The following TMEM163 variants were observed in gnomAD, a reference collection of about 807,000 sequenced individuals.
TMEM163 encodes the protein transmembrane protein 163.
Under a neutral mutation model 29.3 loss-of-function variants are expected in TMEM163, and 17 were observed. That is an observed-to-expected ratio of 0.58 (90% CI 0.40 to 0.87). The LOEUF is 0.87. TMEM163 is among the 40% of genes least tolerant of loss of function. The pLI is 0.00. For synonymous variants in TMEM163, 157 were observed against 160.6 expected, an observed-to-expected ratio of 0.98 and a Z score of 0.17; for missense variants, 303 against 381.5, an observed-to-expected ratio of 0.79 and a Z score of 1.71.
intron 4 of TMEM163, among the ~76,000 whole-genome samples, chr2:134,513,179 C>A (rs77917748): frequency 0.017 from 2,613 of 152,262 alleles, 55 homozygotes; most frequent in Middle Eastern, 0.068. Flanking sequence ...CTGAGAAAAG[C>A]AAAGGATACA....
At chr2:134,535,717 G>GTTTTTTTTTTTT in intron 4 of TMEM163, among the ~76,000 whole-genome samples, 1 of 142,482 alleles carries the variant, frequency 7.0e-6, no homozygotes, top group African/African-American at 2.7e-5. Context: ...TATTTGTATG[G>GTTTTTTTTTTTT]TTTTTTTTTT....
chr2:134,541,717 G>A (rs1024320999), intron 4 of TMEM163, among the ~76,000 whole-genome samples: 4 of 151,930 alleles, frequency 2.6e-5, no homozygotes, highest in Non-Finnish European at 4.4e-5. Context: ...AAAACTATAC[G>A]TAGATCATCT....
intron 2 of TMEM163, among the ~76,000 whole-genome samples, chr2:134,582,294 T>G (rs946366017): frequency 7.2e-5 from 11 of 152,072 alleles, no homozygotes; most frequent in Non-Finnish European, 1.3e-4. Flanking sequence ...CTCCTGTAGG[T>G]GGGGGAAGGT....
chr2:134,457,970 G>A (rs1574145098), intron 7 of TMEM163, 62 bp downstream of exon 7: 8 of 1,607,450 alleles, frequency 5.0e-6, no homozygotes, highest in Non-Finnish European at 6.0e-6. Context: ...GACTGGGGAA[G>A]GCGGTGGAAA....
At chr2:134,705,165 G>A (rs944746275) in intron 2 of TMEM163, among the ~76,000 whole-genome samples, 9 of 150,416 alleles carry the variant, frequency 6.0e-5, no homozygotes, top group African/African-American at 9.8e-5. Context: ...AGCTGTGATC[G>A]CACCACTGCA....
chr2:134,584,729 G>C (rs1358998572), intron 2 of TMEM163, among the ~76,000 whole-genome samples: 1 of 152,006 alleles, frequency 6.6e-6, no homozygotes, highest in Admixed American at 6.5e-5. Flanking sequence ...GAGAGTCTGG[G>C]TGGCAACTTT....
chr2:134,574,781 T>C (rs887088408), intron 2 of TMEM163, among the ~76,000 whole-genome samples: 4 of 152,180 alleles, frequency 2.6e-5, no homozygotes, highest in African/African-American at 9.7e-5. Context: ...AGGAGCAGAC[T>C]GCCAGATGGC....
chr2:134,647,067 C>G (rs888656986), intron 2 of TMEM163, among the ~76,000 whole-genome samples: 1 of 152,162 alleles, frequency 6.6e-6, no homozygotes, highest in Non-Finnish European at 1.5e-5. Flanking sequence ...CTCGGGAAAT[C>G]CAGACCTGCC....
At chr2:134,559,825 T>G (rs1681128284) in intron 2 of TMEM163, among the ~76,000 whole-genome samples, 1 of 152,208 alleles carries the variant, frequency 6.6e-6, no homozygotes. Context: ...TGGGCCACTT[T>G]GCAATGAAAG....
intron 2 of TMEM163, among the ~76,000 whole-genome samples, chr2:134,632,882 A>AC (rs1258976319): frequency 2.0e-5 from 3 of 149,850 alleles, no homozygotes; most frequent in African/African-American, 7.4e-5. Context: ...AGCTGGGACG[A>AC]CAGGCACCCG....
At chr2:134,558,268 G>A (rs185477229) in intron 2 of TMEM163, among the ~76,000 whole-genome samples, 61 of 152,298 alleles carry the variant, frequency 4.0e-4, no homozygotes, top group Admixed American at 1.2e-3. Context: ...CCAGCAAGTG[G>A]AGCACGAGCA....
intron 4 of TMEM163, among the ~76,000 whole-genome samples, chr2:134,525,308 C>T (rs1024701680): frequency 6.6e-6 from 1 of 152,230 alleles, no homozygotes; most frequent in Non-Finnish European, 1.5e-5. Context: ...GGCCTGGCAG[C>T]ATGCCCCTTA....
chr2:134,661,598 C>A lies in TMEM163; in HGVS notation c.322+51602G>T, dbSNP rs1055881907. ...GGTTGCTTAATTTTTCAGGTAGACACCTGCTAATTTGCTAAGTTCAAGGGG... is the reference window on the plus strand; with the variant it reads ...GGTTGCTTAATTTTTCAGGTAGACAACTGCTAATTTGCTAAGTTCAAGGGG... On this transcript the variant is annotated intron_variant, in intron 2 of 7. Transcript: ENST00000281924. Among the ~76,000 whole-genome samples, 9 of 152,192 alleles carry A rather than the reference C, an allele frequency of 5.9e-5. No individual in the cohort carries two copies. In the East Asian group the frequency reaches 7.7e-4, roughly 13 times the overall value.
chr2:134,570,133 GA>G (rs1681386172), intron 2 of TMEM163, among the ~76,000 whole-genome samples: 1 of 151,908 alleles, frequency 6.6e-6, no homozygotes, highest in African/African-American at 2.4e-5. Context: ...TCCTTTAAGT[GA>G]AAAGGTGAAA....
intron 4 of TMEM163, among the ~76,000 whole-genome samples, chr2:134,536,571 C>T (rs954898183): frequency 1.3e-5 from 2 of 152,194 alleles, no homozygotes; most frequent in Non-Finnish European, 2.9e-5. Context: ...TGGCTCTGGG[C>T]TTCTGTCCAC....
intron 6 of TMEM163, among the ~76,000 whole-genome samples, chr2:134,465,215 C>G: frequency 1.6e-5 from 2 of 124,318 alleles, no homozygotes; most frequent in East Asian, 6.4e-4. Flanking sequence ...AAAAACAAAA[C>G]AAAAATATAT....
At chr2:134,582,649 A>C (rs1681722884) in intron 2 of TMEM163, among the ~76,000 whole-genome samples, 1 of 152,222 alleles carries the variant, frequency 6.6e-6, no homozygotes, top group African/African-American at 2.4e-5. Flanking sequence ...AGGTCCTGCC[A>C]TGTGATTCTC....
intron 2 of TMEM163, among the ~76,000 whole-genome samples, chr2:134,700,807 G>A (rs1006945243): frequency 1.3e-5 from 2 of 152,018 alleles, no homozygotes; most frequent in Non-Finnish European, 2.9e-5. Flanking sequence ...GCTGAGGCAG[G>A]AGAATTGTTT....
chr2:134,539,701 C>G (rs1680621404), intron 4 of TMEM163, among the ~76,000 whole-genome samples: 1 of 152,158 alleles, frequency 6.6e-6, no homozygotes, highest in Admixed American at 6.5e-5. Flanking sequence ...TATGCAAAAT[C>G]AAATAGAATT....
Sources: allele counts gnomAD v4.1 joint callset (sites outside exome capture counted in the v4.1 genomes callset), GRCh38; gene constraint gnomAD v4.1.1; transcripts MANE v1.5; gene names NCBI Gene and HGNC (gene_info 2026-07-23, HGNC 2026-07-21).